The following PTPRS variants were observed in gnomAD, a reference collection of about 807,000 sequenced individuals.
PTPRS encodes receptor-type tyrosine-protein phosphatase S.
PTPRS carries 63 observed loss-of-function variants against 215.3 expected under a neutral mutation model. The observed-to-expected ratio is 0.29, with a 90% confidence interval of 0.24 to 0.36. The LOEUF is 0.36. Among genes scored for constraint, PTPRS ranks in the 10% least tolerant of loss-of-function variants. The pLI, the probability that PTPRS is intolerant of heterozygous loss-of-function variation, is 1.00. For missense variants in PTPRS, 2,258 were observed against 2,825.8 expected, an observed-to-expected ratio of 0.80 and a Z score of 4.56; for synonymous variants, 1,404 against 1,191.4, an observed-to-expected ratio of 1.18 and a Z score of -3.68.
At chr19:5,235,219 C>A (rs561389423) in intron 13 of PTPRS, among the ~76,000 whole-genome samples, 1 of 152,204 alleles carries the variant, frequency 6.6e-6, no homozygotes, top group African/African-American at 2.4e-5. Context: ...GGATTACAGG[C>A]ATGAGCCGCC....
intron 1 of PTPRS, among the ~76,000 whole-genome samples, chr19:5,311,300 C>T (rs955491139): frequency 6.6e-6 from 1 of 152,162 alleles, no homozygotes; most frequent in African/African-American, 2.4e-5. Flanking sequence ...TGAGCCACTG[C>T]GCCCGGCCCC....
chr19:5,336,154 C>T (rs1297032168), intron 1 of PTPRS, among the ~76,000 whole-genome samples: 1 of 151,880 alleles, frequency 6.6e-6, no homozygotes, highest in Non-Finnish European at 1.5e-5. Flanking sequence ...CACACAACCC[C>T]CTCCCCAGCG....
At chr19:5,250,821 A>G (rs931992832) in intron 9 of PTPRS, among the ~76,000 whole-genome samples, 9 of 150,936 alleles carry the variant, frequency 6.0e-5, no homozygotes, top group African/African-American at 1.9e-4. Context: ...AGTGGGGGCG[A>G]GGGTAAAGGG....
rs140256236 is a variant in PTPRS at position 5,217,240 on chromosome 19, A to C, written c.4049-473T>G. Among the ~76,000 whole-genome samples the C allele has an allele frequency of 2.6e-5, 4 of 152,370 alleles. No homozygotes were observed. The East Asian group carries it at 7.7e-4, about 29-fold the overall frequency. ...CCTTATTTGGATGGAAACACAACAG[A>C]CATCAGCTAGTCCAGAGACAGAAAT... On this transcript the variant is annotated intron_variant, in intron 25 of 37. Transcript: ENST00000262963.
chr19:5,264,487 CT>C (rs2046260194), intron 5 of PTPRS, among the ~76,000 whole-genome samples: 2 of 152,314 alleles, frequency 1.3e-5, no homozygotes, highest in African/African-American at 4.8e-5. Flanking sequence ...GGCTTTCTTT[CT>C]TTTCAGAGAT....
chr19:5,302,816 G>A (rs1024744311), intron 1 of PTPRS, among the ~76,000 whole-genome samples: 9 of 151,812 alleles, frequency 5.9e-5, no homozygotes, highest in Non-Finnish European at 1.0e-4. Context: ...CCAGCACTTT[G>A]GGAGGTTGAG....
At chr19:5,261,077 G>A (rs953993672) in intron 6 of PTPRS, among the ~76,000 whole-genome samples, 2 of 152,134 alleles carry the variant, frequency 1.3e-5, no homozygotes, top group Non-Finnish European at 2.9e-5. Flanking sequence ...AATCTCTGGG[G>A]GTGGAGGGAT....
rs2042847521 is a variant in PTPRS, at chr19:5,229,658, C to T, written c.2182G>A (p.Glu728Lys). The T allele has an allele frequency of 5.4e-6, 7 of 1,285,270 alleles. No individual in the cohort carries two copies. The highest frequency in any genetic ancestry group is 4.2e-5 in the Admixed American group (1 of 23,950). 79.6% of individuals were successfully genotyped at this position (1,285,270 alleles called of 1,614,324 possible). The change falls in exon 15 of 38, where the codon GAG becomes AAG. Residue 728 changes from glutamate to lysine, a missense_variant. Coordinates refer to ENST00000262963, the MANE Select transcript of PTPRS (RefSeq NM_002850.4). Reference protein sequence around the residue: ...DVPSAPPRKVEAEALNATAIR... With the variant: ...DVPSAPPRKVKAEALNATAIR... ...GCCGTGGCGTTGAGCGCCTCCGCCT[C>T]CACCTTCCGCGGCGGCGCGCTGGGC... is the stretch of plus-strand genomic sequence containing the variant.
intron 1 of PTPRS, among the ~76,000 whole-genome samples, chr19:5,288,841 A>T (rs1192323552): frequency 6.6e-6 from 1 of 152,214 alleles, no homozygotes; most frequent in East Asian, 1.9e-4. Flanking sequence ...TAAACCAGGC[A>T]GCCCTAATTA....
At chr19:5,308,279 G>A (rs539414797) in intron 1 of PTPRS, among the ~76,000 whole-genome samples, 4 of 152,204 alleles carry the variant, frequency 2.6e-5, no homozygotes, top group African/African-American at 9.7e-5. Flanking sequence ...AAATGGATGG[G>A]TGAGAAATGA....
chr19:5,336,788 G>C (rs1429875144), intron 1 of PTPRS, among the ~76,000 whole-genome samples: 1 of 151,828 alleles, frequency 6.6e-6, no homozygotes, highest in African/African-American at 2.4e-5. Context: ...AGCGGTTGGA[G>C]GGTGGGGCGG....
chr19:5,208,011 G>A lies in PTPRS; in HGVS notation c.5689C>T (p.Leu1897=). The change falls in exon 37 of 38, where the codon CTG becomes TTG. Residue 1897 remains leucine, a synonymous_variant. Coordinates refer to ENST00000262963, the MANE Select transcript of PTPRS (RefSeq NM_002850.4). ...ACGCCTTCATACCGCATCCGCTCCAGCACGATGCTAAGCGTGATGAAGACG... is the reference window on the plus strand; with the variant it reads ...ACGCCTTCATACCGCATCCGCTCCAACACGATGCTAAGCGTGATGAAGACG... The part of the protein sequence containing the change: ...TGVFITLSIV[L]ERMRYEGVVD... 6.2e-7 allele frequency: 1 copy of A among 1,614,004 alleles called. No homozygotes were observed. Among genetic ancestry groups the A allele is most frequent in the Admixed American group, 1.7e-5 (1 of 60,034 alleles).
chr19:5,275,678 C>T (rs1338435710), intron 2 of PTPRS, among the ~76,000 whole-genome samples: 2 of 152,136 alleles, frequency 1.3e-5, no homozygotes, highest in Non-Finnish European at 2.9e-5. Context: ...TAGTGGTGGG[C>T]ACCTGTAATC....
chr19:5,340,009 G>A (rs2050636700), intron 1 of PTPRS, among the ~76,000 whole-genome samples: 2 of 151,710 alleles, frequency 1.3e-5, no homozygotes, highest in South Asian at 2.1e-4. Context: ...CCGGAGGGGC[G>A]ACCTCCCATA....
chr19:5,298,178 G>A (rs1373046047), intron 1 of PTPRS, among the ~76,000 whole-genome samples: 1 of 152,166 alleles, frequency 6.6e-6, no homozygotes, highest in Non-Finnish European at 1.5e-5. Flanking sequence ...ATGTTCCAGT[G>A]TCCGGGTCAC....
chr19:5,231,243 G>A lies in PTPRS; in HGVS notation c.2155+67C>T, dbSNP rs1021259306. On this transcript the variant is annotated intron_variant, in intron 14 of 37. Transcript: ENST00000262963. ...TGACCACCAGCCCAGGTTTCCAGAT[G>A]GAAGGCTTCGAGGCGGGGGCCGGGC... The A allele has an allele frequency of 3.4e-6, 5 of 1,482,974 alleles. No individual in the cohort carries two copies. In the African/African-American group the frequency reaches 4.2e-5, roughly 12 times the overall value. The allele number at this position is 1,482,974 out of a possible 1,614,324, so 91.9% of individuals were successfully genotyped here.
At chr19:5,275,251 T>C (rs1335483835) in intron 2 of PTPRS, among the ~76,000 whole-genome samples, 1 of 151,606 alleles carries the variant, frequency 6.6e-6, no homozygotes, top group African/African-American at 2.4e-5. Flanking sequence ...TTTGTATTTT[T>C]AGTAGAGATG....
intron 35 of PTPRS, 32 bp from the exon 36 acceptor site, chr19:5,208,423 G>T (rs369107836): frequency 7.3e-5 from 110 of 1,503,656 alleles, no homozygotes; most frequent in Non-Finnish European, 9.1e-5. Context: ...CTTGTTATCA[G>T]GTCAGCAGCG....
intron 35 of PTPRS, among the ~76,000 whole-genome samples, chr19:5,209,452 T>G (rs552564569): frequency 4.1e-4 from 63 of 152,322 alleles, no homozygotes; most frequent in African/African-American, 1.4e-3. Flanking sequence ...CCAAAATTGT[T>G]ATCCTCTGCC....
Sources: allele counts gnomAD v4.1 joint callset (sites outside exome capture counted in the v4.1 genomes callset), GRCh38; gene constraint gnomAD v4.1.1; transcripts MANE v1.5; gene names NCBI Gene and HGNC (gene_info 2026-07-23, HGNC 2026-07-21).